Variants in TMEM41B observed in about 807,000 individuals in gnomAD.
The protein encoded by TMEM41B is protein stasimon.
TMEM41B carries 18 observed loss-of-function variants against 31.9 expected under a neutral mutation model. The ratio of observed to expected loss-of-function variants is 0.56; its 90% CI spans 0.39 to 0.84. The LOEUF (loss-of-function observed/expected upper bound fraction) is 0.84, where lower values mean the gene tolerates loss of function less well. Among genes scored for constraint, TMEM41B ranks in the 40% least tolerant of loss-of-function variants. The probability of loss-of-function intolerance (pLI) is 0.00; values close to 1 mark genes in which losing one functional copy is unlikely to be tolerated. For synonymous variants in TMEM41B, 144 were observed against 124.3 expected (o/e 1.16, Z -1.05); for missense variants, 322 against 348.0 (o/e 0.93, Z 0.59).
intron 6 of TMEM41B, among the ~76,000 whole-genome samples, chr11:9,283,938 C>T (rs141176690): frequency 0.019 from 2,819 of 152,084 alleles, 85 homozygotes; most frequent in African/African-American, 0.064. Context: ...GCATGTGCCA[C>T]CACACCCGGC....
intron 3 of TMEM41B, among the ~76,000 whole-genome samples, chr11:9,292,157 TTTTC>T (rs1590375856): frequency 6.6e-6 from 1 of 152,200 alleles, no homozygotes; most frequent in Admixed American, 6.5e-5. Flanking sequence ...GGTCTTTATT[TTTTC>T]TTTCTTTCAA....
At chr11:9,301,543 A>G (rs1853260282) in intron 1 of TMEM41B, among the ~76,000 whole-genome samples, 1 of 152,124 alleles carries the variant, frequency 6.6e-6, no homozygotes, top group Admixed American at 6.6e-5. Flanking sequence ...TGTGTATTAG[A>G]CAGCTGTCAT....
At position 9,281,800 on chromosome 11, in the gene TMEM41B, AAAC is replaced by A. The variant is rs1282955581; in HGVS notation, c.*1621_*1623del. 1 of 152,256 alleles carries A rather than the reference AAAC, an allele frequency of 6.6e-6. No homozygotes were observed. The highest frequency in any genetic ancestry group is 1.5e-5 in the Non-Finnish European group (1 of 68,050). The allele number at this position is 152,256 out of a possible 1,614,324, so 9.4% of individuals were successfully genotyped here. ...GCAATAAGTAATCAAAAGTAGCTCC[AAAC>A]AACAAAGCCATCAATAGAAACAAAA... On this transcript the variant is annotated 3_prime_UTR_variant, in exon 7 of 7. Transcript: ENST00000528080.
At chr11:9,305,564 C>T (rs1178325563) in intron 1 of TMEM41B, among the ~76,000 whole-genome samples, 2 of 152,154 alleles carry the variant, frequency 1.3e-5, no homozygotes, top group African/African-American at 2.4e-5. Context: ...TGCGCCATTG[C>T]ACTCCAGCCT....
At chr11:9,295,200 G>C (rs1448737193) in intron 3 of TMEM41B, 59 bp downstream of exon 3, 2 of 1,391,772 alleles carry the variant, frequency 1.4e-6, no homozygotes, top group Non-Finnish European at 1.9e-6. Flanking sequence ...ATGAAGAGCA[G>C]ACCTTTTACA....
Position 9,288,438 on chromosome 11 carries a change from T to C in TMEM41B, c.462+4A>G, listed in dbSNP as rs1284982501. 3.8e-6 allele frequency: 6 copies of C among 1,567,752 alleles called. No individual in the cohort carries two copies. The highest frequency in any genetic ancestry group is 5.2e-6 in the Non-Finnish European group (6 of 1,160,120). The stretch of plus-strand genomic sequence containing the variant: ...GTCTCCCAATTTTATTTTTTCATAC[T>C]TACCAAACAAACAAGAAATAAGGCT... On this transcript the variant is annotated splice_donor_region_variant and intron_variant, in intron 4 of 6. Coordinates refer to ENST00000528080, the MANE Select transcript of TMEM41B (RefSeq NM_015012.4).
At position 9,287,695 on chromosome 11, in the gene TMEM41B, TG is replaced by T. The variant is rs1852866187; in HGVS notation, c.567+6del. 1 of 1,586,922 alleles carries T rather than the reference TG, an allele frequency of 6.3e-7. No homozygotes were observed. Among genetic ancestry groups the T allele is most frequent in the African/African-American group, 1.4e-5 (1 of 74,010 alleles). ...TTACATCAAATAATTTAAAAATACA[TG>T]TTTACCTGCTGTGACCATTTTACTG... On this transcript the variant is annotated splice_donor_region_variant and intron_variant, in intron 5 of 6. Transcript: ENST00000528080.
At chr11:9,305,213 T>C (rs1853359018) in intron 1 of TMEM41B, among the ~76,000 whole-genome samples, 1 of 152,194 alleles carries the variant, frequency 6.6e-6, no homozygotes, top group Admixed American at 6.6e-5. Flanking sequence ...TATATATATA[T>C]AAGTATTGAG....
At chr11:9,286,225 G>T (rs975119662) in intron 6 of TMEM41B, among the ~76,000 whole-genome samples, 2 of 151,942 alleles carry the variant, frequency 1.3e-5, no homozygotes, top group African/African-American at 4.8e-5. Context: ...TCATTAAAAC[G>T]ATATACAGTA....
At chr11:9,311,140 C>T in intron 1 of TMEM41B, 2 of 970,874 alleles carry the variant, frequency 2.1e-6, no homozygotes, top group Non-Finnish European at 2.8e-6. Context: ...CCACTCAGGG[C>T]TCAACAGCAG....
chr11:9,312,660 C>T (rs902132484), intron 1 of TMEM41B, among the ~76,000 whole-genome samples: 9 of 152,026 alleles, frequency 5.9e-5, no homozygotes, highest in African/African-American at 2.2e-4. Flanking sequence ...AATCCCAGCA[C>T]TTTGGGAGGC....
At chr11:9,309,933 AC>A (rs1442176011) in intron 1 of TMEM41B, among the ~76,000 whole-genome samples, 8 of 151,462 alleles carry the variant, frequency 5.3e-5, no homozygotes, top group South Asian at 2.1e-4. Context: ...AAAAAAAAAA[AC>A]AAAAGAACAA....
intron 6 of TMEM41B, among the ~76,000 whole-genome samples, chr11:9,285,554 C>A (rs1267422848): frequency 6.6e-6 from 1 of 152,066 alleles, no homozygotes; most frequent in African/African-American, 2.4e-5. Flanking sequence ...GCAAAACATT[C>A]CTACAAAGAA....
intron 3 of TMEM41B, among the ~76,000 whole-genome samples, chr11:9,290,696 G>A (rs562204798): frequency 3.3e-5 from 5 of 152,186 alleles, no homozygotes; most frequent in South Asian, 4.2e-4. Context: ...GTTGTTTAAC[G>A]CAACTGTATT....
At chr11:9,290,766 C>A (rs1852940957) in intron 3 of TMEM41B, among the ~76,000 whole-genome samples, 1 of 151,936 alleles carries the variant, frequency 6.6e-6, no homozygotes, top group African/African-American at 2.4e-5. Context: ...CCTAAAATTA[C>A]AGCTGAAATT....
At chr11:9,311,797 A>G (rs912995180) in intron 1 of TMEM41B, 2 of 563,248 alleles carry the variant, frequency 3.6e-6, no homozygotes, top group Non-Finnish European at 6.4e-6. Flanking sequence ...TCATCATGCA[A>G]AAATTAGACT....
chr11:9,311,441 C>G, intron 1 of TMEM41B: 1 of 1,407,406 alleles, frequency 7.1e-7, no homozygotes, highest in South Asian at 1.2e-5. Context: ...CAGGAGCAGA[C>G]GGTGGGTATG....
chr11:9,285,088 C>CTTTTTTTTTT (rs11405419), intron 6 of TMEM41B, among the ~76,000 whole-genome samples: 1 of 131,204 alleles, frequency 7.6e-6, no homozygotes, highest in African/African-American at 2.9e-5. Flanking sequence ...TTCCTTCTTT[C>CTTTTTTTTTT]TTTTTTTTTT....
chr11:9,290,201 A>C (rs1421310492), intron 3 of TMEM41B, among the ~76,000 whole-genome samples: 3 of 152,118 alleles, frequency 2.0e-5, no homozygotes, highest in Non-Finnish European at 4.4e-5. Context: ...CAACATGGTG[A>C]AACCGTCTCT....
Sources: allele counts gnomAD v4.1 joint callset (sites outside exome capture counted in the v4.1 genomes callset), GRCh38; gene constraint gnomAD v4.1.1; transcripts MANE v1.5; gene names NCBI Gene and HGNC (gene_info 2026-07-23, HGNC 2026-07-21).